Variants in LSP1 observed in about 807,000 individuals in gnomAD.
LSP1 encodes the protein lymphocyte specific protein 1, also known as lymphocyte-specific protein 1.
A neutral mutation model predicts 49.3 loss-of-function variants in LSP1; 32 were observed. The ratio of observed to expected loss-of-function variants is 0.65; its 90% CI spans 0.49 to 0.87. LSP1 has a LOEUF of 0.87. LSP1 is among the 40% of genes least tolerant of loss of function. The pLI, the probability that LSP1 is intolerant of heterozygous loss-of-function variation, is 0.00. For missense variants in LSP1, 428 were observed against 442.6 expected (o/e 0.97, Z 0.30); for synonymous variants, 179 against 178.8 (o/e 1.00, Z -0.01).
rs149086047 is a variant in LSP1 at position 1,883,989 on chromosome 11, G to A, written c.556G>A (p.Glu186Lys). 9 of 1,612,494 alleles carry A rather than the reference G, an allele frequency of 5.6e-6. No individual in the cohort carries two copies. The East Asian group carries it at 8.9e-5, about 16-fold the overall frequency. The change falls in exon 5 of 11, where the codon GAA becomes AAA. Residue 186 changes from glutamate (E) to lysine (K), a missense_variant. Transcript: ENST00000311604. ...PSPLVLEGTI[E>K]QSSPPLSPTT... Reference sequence around the variant, plus strand: ...CCCCTTGGTCTTGGAGGGGACCATCGAACAGAGCTCGCCTCCCCTGAGCCC... The same window carrying A: ...CCCCTTGGTCTTGGAGGGGACCATCAAACAGAGCTCGCCTCCCCTGAGCCC...
chr11:1,888,912 C>G (rs1189899047), intron 10 of LSP1: 1 of 470,256 alleles, frequency 2.1e-6, no homozygotes, highest in East Asian at 3.5e-5. Flanking sequence ...TCCCCTCACA[C>G]CACTGCAGCC....
At chr11:1,861,733 G>T (rs1847637573) in intron 1 of LSP1, among the ~76,000 whole-genome samples, 1 of 147,714 alleles carries the variant, frequency 6.8e-6, no homozygotes, top group South Asian at 2.2e-4. Context: ...ATGGATGGAT[G>T]GATGGATTGG....
At chr11:1,864,293 A>G in intron 1 of LSP1, 1 of 977,338 alleles carries the variant, frequency 1.0e-6, no homozygotes, top group African/African-American at 1.8e-5. Flanking sequence ...AAGGAGAAGA[A>G]CAGAGGAGGG....
chr11:1,879,919 A>G lies in LSP1; in HGVS notation c.54-168A>G, dbSNP rs1459192380. 3 of 713,414 alleles carry G rather than the reference A, an allele frequency of 4.2e-6. No individual in the cohort carries two copies. In the African/African-American group the frequency reaches 5.6e-5, roughly 13 times the overall value. 44.2% of individuals were successfully genotyped at this position (713,414 alleles called of 1,614,324 possible). On this transcript the variant is annotated intron_variant, in intron 1 of 10. Coordinates refer to ENST00000311604, the MANE Select transcript of LSP1 (RefSeq NM_002339.3). ...CCTCATGACCACGTGGGCAGCCTCT[A>G]TTTAAAGATGGACAAGGTGAGGCCT...
chr11:1,870,783 G>A, intron 1 of LSP1: 1 of 989,962 alleles, frequency 1.0e-6, no homozygotes, highest in African/African-American at 1.7e-5. Context: ...TGGCTAGCTG[G>A]GAAGGAAAGA....
At chr11:1,866,757 C>T (rs1439497428) in intron 1 of LSP1, 8 of 1,550,516 alleles carry the variant, frequency 5.2e-6, no homozygotes, top group East Asian at 4.9e-5. Context: ...CCAGGCTCAC[C>T]AGTGCTACTT....
intron 1 of LSP1, among the ~76,000 whole-genome samples, chr11:1,871,897 G>T (rs1848029739): frequency 6.7e-6 from 1 of 149,248 alleles, no homozygotes; most frequent in African/African-American, 2.5e-5. Context: ...GTTGGGGTCT[G>T]TCTGGCTGGC....
chr11:1,884,214 T>A lies in LSP1; in HGVS notation c.592-66T>A. The A allele has an allele frequency of 6.3e-7, 1 of 1,578,660 alleles. No individual in the cohort carries two copies. ...GGGTTGGATTAGTGGTTGGAGTAGCTGGGGAGATGGAGGGTGGGCTTTACC... is the reference window on the plus strand; with the variant it reads ...GGGTTGGATTAGTGGTTGGAGTAGCAGGGGAGATGGAGGGTGGGCTTTACC... On this transcript the variant is annotated intron_variant, in intron 5 of 10. Transcript: ENST00000311604. This position sits in a 1 kb window ranked among gnomAD's most constrained non-coding sequence, Gnocchi z 4.1.
At chr11:1,889,290 C>G (rs1382961147) in intron 10 of LSP1, 2 of 697,318 alleles carry the variant, frequency 2.9e-6, no homozygotes, top group South Asian at 1.5e-5. Context: ...GAAGGGCAGG[C>G]GGGTGAGGCT....
intron 1 of LSP1, among the ~76,000 whole-genome samples, chr11:1,876,847 G>C (rs1407931454): frequency 6.6e-6 from 1 of 152,198 alleles, no homozygotes; most frequent in Non-Finnish European, 1.5e-5. Flanking sequence ...GCATCCGTCA[G>C]AGTTCTGTGC....
rs777677644 is a variant in LSP1 at position 1,884,455 on chromosome 11, A to G, written c.636-45A>G. The G allele has an allele frequency of 3.1e-6, 5 of 1,605,572 alleles. No homozygotes were observed. The African/African-American group carries it at 4.0e-5, about 13-fold the overall frequency. On this transcript the variant is annotated intron_variant, in intron 6 of 10. Transcript: ENST00000311604. The surrounding 1 kb of genome is among the most constrained non-coding windows in gnomAD (Gnocchi z 4.1). ...GGAGAGGCTTGGGCAGGTTGGGAGAAGCCTTGTGGGAGACATGGGGCCTGA... is the reference window on the plus strand; with the variant it reads ...GGAGAGGCTTGGGCAGGTTGGGAGAGGCCTTGTGGGAGACATGGGGCCTGA...
intron 1 of LSP1, among the ~76,000 whole-genome samples, chr11:1,874,025 A>G: frequency 7.4e-6 from 1 of 134,414 alleles, no homozygotes; most frequent in East Asian, 2.3e-4. Flanking sequence ...CCGGCAGAGG[A>G]GGGAGGCCGG....
chr11:1,886,865 A>G lies in LSP1; in HGVS notation c.851A>G (p.Lys284Arg). 1 of 1,611,046 alleles carries G rather than the reference A, an allele frequency of 6.2e-7. No homozygotes were observed. Among genetic ancestry groups the G allele is most frequent in the East Asian group, 2.2e-5 (1 of 44,874 alleles). Reference sequence around the variant, plus strand: ...TCTGCGGCCAAGACTCCGTCCTGCAAGGTAAGGTCCCCTCCAGGGGCAAGG... The same window carrying G: ...TCTGCGGCCAAGACTCCGTCCTGCAGGGTAAGGTCCCCTCCAGGGGCAAGG... ...AQSAAKTPSC[K>R]DIVAGDMSKK... is the part of the protein sequence containing the mutation. The change falls in exon 8 of 11, where the codon AAG becomes AGG. Residue 284 changes from lysine (K) to arginine (R), a missense_variant and splice_region_variant. Lys to Arg is a conservative substitution (Grantham distance 26, BLOSUM62 2). Coordinates refer to ENST00000311604, the MANE Select transcript of LSP1 (RefSeq NM_002339.3).
intron 10 of LSP1, among the ~76,000 whole-genome samples, chr11:1,888,150 G>A (rs1848833997): frequency 6.6e-6 from 1 of 152,110 alleles, no homozygotes; most frequent in Admixed American, 6.5e-5. Flanking sequence ...CACACCACAG[G>A]GTGGGGCAGC....
At chr11:1,879,940 G>A (rs1848466934) in intron 1 of LSP1, 147 bp from the exon 2 acceptor site, 1 of 893,626 alleles carries the variant, frequency 1.1e-6, no homozygotes, top group Non-Finnish European at 1.7e-6. Flanking sequence ...GACAAGGTGA[G>A]GCCTGAGGGC....
intron 9 of LSP1, 70 bp downstream of exon 9, chr11:1,887,384 T>C: frequency 1.3e-6 from 2 of 1,578,842 alleles, no homozygotes; most frequent in Non-Finnish European, 1.7e-6. Context: ...GACTGTCCTC[T>C]GTGCATCTGG....
At chr11:1,876,198 G>T (rs939058302) in intron 1 of LSP1, among the ~76,000 whole-genome samples, 2 of 152,168 alleles carry the variant, frequency 1.3e-5, no homozygotes, top group African/African-American at 2.4e-5. Flanking sequence ...GGGCCCCTGT[G>T]GGCACCTTTT....
intron 4 of LSP1, 26 bp from the exon 5 acceptor site, chr11:1,883,906 T>C (rs1270729330): frequency 6.3e-7 from 1 of 1,584,214 alleles, no homozygotes; most frequent in Admixed American, 1.8e-5. Flanking sequence ...GGGGGTCACT[T>C]GGGATGTCTG....
chr11:1,889,078 G>C (rs1267086086), intron 10 of LSP1: 7 of 583,256 alleles, frequency 1.2e-5, no homozygotes, highest in Non-Finnish European at 2.2e-5. Context: ...TGGGCCCCCA[G>C]CTAGAGCCTC....
Sources: gnomAD v4.1 joint callset for allele counts (sites outside exome capture counted in the v4.1 genomes callset) on GRCh38, gnomAD v4.1.1 for gene constraint, Gnocchi (gnomAD v3.1) non-coding constraint, MANE v1.5 for transcripts, NCBI Gene and HGNC (gene_info 2026-07-23, HGNC 2026-07-21) for gene names.